The following GRAMD1B variants were observed in gnomAD, a reference collection of about 807,000 sequenced individuals.
The protein encoded by GRAMD1B is GRAM domain containing 1B.
In GRAMD1B, 37 loss-of-function variants were observed where a neutral mutation model predicts 99.7. That is an observed-to-expected ratio of 0.37 (90% CI 0.29 to 0.49). The LOEUF (loss-of-function observed/expected upper bound fraction) is 0.49. GRAMD1B is among the 20% of genes least tolerant of loss of function. The probability of loss-of-function intolerance (pLI) is 0.98; values close to 1 mark genes in which losing one functional copy is unlikely to be tolerated. For synonymous variants in GRAMD1B, 427 were observed against 387.6 expected (o/e 1.10, Z -1.19); for missense variants, 888 against 1,009.2 (o/e 0.88, Z 1.63).
At chr11:123,495,885 G>A (rs1361237823) in intron 2 of GRAMD1B, among the ~76,000 whole-genome samples, 1 of 151,898 alleles carries the variant, frequency 6.6e-6, no homozygotes, top group East Asian at 1.9e-4. Context: ...TTAGCTTTCT[G>A]TTGTTCTTTA....
At chr11:123,592,812 G>A (rs1950819497) in intron 4 of GRAMD1B, among the ~76,000 whole-genome samples, 1 of 152,170 alleles carries the variant, frequency 6.6e-6, no homozygotes, top group South Asian at 2.1e-4. Context: ...GGGTGTCTCC[G>A]TTTGGCCGTG....
intron 2 of GRAMD1B, among the ~76,000 whole-genome samples, chr11:123,513,239 G>C (rs1321856229): frequency 1.3e-5 from 2 of 152,186 alleles, no homozygotes; most frequent in Non-Finnish European, 2.9e-5. Context: ...ATAGCTTTTG[G>C]TGGAGGTGTG....
chr11:123,366,659 A>G (rs1946330792), intron 1 of GRAMD1B, among the ~76,000 whole-genome samples: 1 of 152,352 alleles, frequency 6.6e-6, no homozygotes, highest in Non-Finnish European at 1.5e-5. Flanking sequence ...GAACACAGAC[A>G]TTTGTACTTT....
chr11:123,388,401 G>A (rs915752441), intron 1 of GRAMD1B, among the ~76,000 whole-genome samples: 10 of 151,914 alleles, frequency 6.6e-5, no homozygotes, highest in African/African-American at 1.9e-4. Context: ...AGCTGGGTGC[G>A]GTGGCTCACA....
rs145342410 is a variant in GRAMD1B, at chr11:123,513,440, T to A, written c.452+32547T>A. ...GCCATCTGATAGCCTGACCTGACTG[T>A]GTTAAAATATGTAGATGATGAATTG... On this transcript the variant is annotated intron_variant, in intron 2 of 19. Coordinates refer to ENST00000635736, the MANE Select transcript of GRAMD1B (RefSeq NM_001387025.1). Among the ~76,000 whole-genome samples the A allele has an allele frequency of 1.1e-4, 16 of 152,132 alleles. No homozygotes were observed. The East Asian group carries it at 3.1e-3, about 29-fold the overall frequency.
chr11:123,388,732 G>T (rs73023747), intron 1 of GRAMD1B, among the ~76,000 whole-genome samples: 64 of 151,578 alleles, frequency 4.2e-4, no homozygotes, highest in Non-Finnish European at 1.0e-4. Context: ...AGGTCAGAGG[G>T]AGCTTTTTTG....
intron 1 of GRAMD1B, among the ~76,000 whole-genome samples, chr11:123,466,046 C>A (rs187065003): frequency 6.6e-6 from 1 of 151,964 alleles, no homozygotes; most frequent in African/African-American, 2.4e-5. Context: ...GGGGCCTACG[C>A]GGGCGGATCA....
rs184344780 is a variant in GRAMD1B, at chr11:123,510,332, C to G, written c.452+29439C>G. On this transcript the variant is annotated intron_variant, in intron 2 of 19. Coordinates refer to ENST00000635736, the MANE Select transcript of GRAMD1B (RefSeq NM_001387025.1). This position sits in a 1 kb window ranked among gnomAD's most constrained non-coding sequence, Gnocchi z 4.3. ...GGGTGATGGGAGGGCAGGCCTCCGT[C>G]TTTGTGCCCTCTCCCTCTCAACAGG... 1.7e-3 allele frequency among the ~76,000 whole-genome samples: 253 copies of G among 152,228 alleles called. No homozygotes were observed. Among genetic ancestry groups the G allele is most frequent in the African/African-American group, 5.9e-3 (246 of 41,546 alleles).
chr11:123,519,970 G>A (rs1275821495), intron 2 of GRAMD1B, among the ~76,000 whole-genome samples: 1 of 152,258 alleles, frequency 6.6e-6, no homozygotes, highest in Non-Finnish European at 1.5e-5. Flanking sequence ...TTGGCCGGAT[G>A]GCCCTGGGTG....
chr11:123,602,825 C>T (rs1050980285), intron 8 of GRAMD1B, among the ~76,000 whole-genome samples: 1 of 152,134 alleles, frequency 6.6e-6, no homozygotes, highest in East Asian at 1.9e-4. Context: ...GGTAGTCACA[C>T]GCTTAGGTGA....
intron 7 of GRAMD1B, among the ~76,000 whole-genome samples, chr11:123,597,004 G>T (rs79074374): frequency 6.6e-6 from 1 of 152,110 alleles, no homozygotes; most frequent in Non-Finnish European, 1.5e-5. Flanking sequence ...TAGGGATCTT[G>T]TAGAAGAAAC....
In GRAMD1B at chr11:123,492,865, T is replaced by TACACACACAC. The variant is rs58113764; in HGVS notation, c.452+11993_452+12002dup. On this transcript the variant is annotated intron_variant, in intron 2 of 19. Coordinates refer to ENST00000635736, the MANE Select transcript of GRAMD1B (RefSeq NM_001387025.1). The surrounding 1 kb of genome is among the most constrained non-coding windows in gnomAD (Gnocchi z 4.2). The stretch of plus-strand genomic sequence containing the variant: ...TCTCTCTGTCTCTCTCTTTCACACA[T>TACACACACAC]ACACACACACACACACACACACACA... Among the ~76,000 whole-genome samples, 44 of 148,044 alleles carry TACACACACAC rather than the reference T, an allele frequency of 3.0e-4. 1 individual carries two copies. The highest frequency in any genetic ancestry group is 4.7e-4 in the African/African-American group (19 of 40,004).
rs570783260 is a variant in GRAMD1B at position 123,393,561 on chromosome 11, T to A, written c.-176+34762T>A. On this transcript the variant is annotated intron_variant, in intron 1 of 20. Transcript: ENST00000638157. ...GCTAATGCATGCTGGCAATGATAGG[T>A]CTCAGTTTCTCACCGCGTGCATCTT... Among the ~76,000 whole-genome samples the A allele has an allele frequency of 5.8e-4, 89 of 152,252 alleles. No homozygotes were observed. The South Asian group carries it at 7.9e-3, about 13-fold the overall frequency.
intron 2 of GRAMD1B, among the ~76,000 whole-genome samples, chr11:123,486,577 A>G (rs1376794360): frequency 4.7e-5 from 7 of 147,860 alleles, no homozygotes; most frequent in Non-Finnish European, 7.5e-5. Flanking sequence ...AAACAAAAAG[A>G]AAAAGCAAAG....
At chr11:123,404,143 G>T (rs1242515528) in intron 1 of GRAMD1B, among the ~76,000 whole-genome samples, 1 of 151,990 alleles carries the variant, frequency 6.6e-6, no homozygotes, top group East Asian at 1.9e-4. Context: ...TATCTGCCTA[G>T]GTCTAATCTT....
intron 2 of GRAMD1B, among the ~76,000 whole-genome samples, chr11:123,556,801 G>A (rs1440077699): frequency 6.6e-6 from 1 of 152,188 alleles, no homozygotes; most frequent in Non-Finnish European, 1.5e-5. Flanking sequence ...GGCTTTGTTA[G>A]GATTGCAGCA....
In GRAMD1B at chr11:123,433,034, C is replaced by T. The variant is rs909632022; in HGVS notation, c.374+1868C>T. On this transcript the variant is annotated intron_variant, in intron 1 of 19. Coordinates refer to ENST00000635736, the MANE Select transcript of GRAMD1B (RefSeq NM_001387025.1). Reference sequence around the variant, plus strand: ...ACAGAGTAGAGGGAAATGGGGCAAGCTTGGTGGGAGCTAACCTTGAACTAA... The same window carrying T: ...ACAGAGTAGAGGGAAATGGGGCAAGTTTGGTGGGAGCTAACCTTGAACTAA... 3.3e-5 allele frequency among the ~76,000 whole-genome samples: 5 copies of T among 152,162 alleles called. No homozygotes were observed. In the East Asian group the frequency reaches 9.7e-4, roughly 29 times the overall value.
At chr11:123,614,916 C>T in intron 17 of GRAMD1B, 81 bp downstream of exon 17, 1 of 747,748 alleles carries the variant, frequency 1.3e-6, no homozygotes, top group Non-Finnish European at 2.3e-6. Context: ...TCTCTTGAAG[C>T]ATCTGAGCAC....
intron 1 of GRAMD1B, among the ~76,000 whole-genome samples, chr11:123,468,782 T>A (rs1950836239): frequency 7.6e-6 from 1 of 130,990 alleles, no homozygotes; most frequent in African/African-American, 3.0e-5. Flanking sequence ...GGTGACAGAT[T>A]GAGACCCTGT....
Sources: allele counts gnomAD v4.1 joint callset (sites outside exome capture counted in the v4.1 genomes callset), GRCh38; gene constraint gnomAD v4.1.1; non-coding constraint Gnocchi (gnomAD v3.1); transcripts MANE v1.5; gene names NCBI Gene and HGNC (gene_info 2026-07-23, HGNC 2026-07-21).